The following ARHGAP21 variants were observed in gnomAD, a reference collection of about 807,000 sequenced individuals.
The protein encoded by ARHGAP21 is rho GTPase-activating protein 21.
A neutral mutation model predicts 164.6 loss-of-function variants in ARHGAP21; 38 were observed. The observed-to-expected ratio is 0.23, with a 90% CI of 0.18 to 0.30. The LOEUF is 0.30. ARHGAP21 is among the 10% of genes least tolerant of loss of function. The probability of loss-of-function intolerance (pLI) is 1.00; values close to 1 mark genes in which losing one functional copy is unlikely to be tolerated. For missense variants in ARHGAP21, 1,822 were observed against 2,370.7 expected, an observed-to-expected ratio of 0.77 and a Z score of 4.81; for synonymous variants, 766 against 857.9, an observed-to-expected ratio of 0.89 and a Z score of 1.87.
intron 25 of ARHGAP21, among the ~76,000 whole-genome samples, chr10:24,587,506 CA>C (rs2076155058): frequency 6.6e-6 from 1 of 152,202 alleles, no homozygotes; most frequent in South Asian, 2.1e-4. Flanking sequence ...GCTGTTCTAT[CA>C]AAAATTCGCT....
intron 2 of ARHGAP21, among the ~76,000 whole-genome samples, chr10:24,676,360 T>TC (rs1841245434): frequency 6.6e-6 from 1 of 152,382 alleles, no homozygotes; most frequent in African/African-American, 2.4e-5. Context: ...TACTGCATGC[T>TC]GCTGAGGACT....
At chr10:24,686,694 T>C (rs987667046) in intron 2 of ARHGAP21, among the ~76,000 whole-genome samples, 1 of 152,218 alleles carries the variant, frequency 6.6e-6, no homozygotes, top group Non-Finnish European at 1.5e-5. Context: ...GAACGATTCA[T>C]GGATTTTCCA....
intron 4 of ARHGAP21, among the ~76,000 whole-genome samples, chr10:24,656,522 G>T (rs1366704173): frequency 3.3e-5 from 3 of 91,314 alleles, no homozygotes; most frequent in East Asian, 3.5e-4. Context: ...GAGGTTGGGG[G>T]GTCAGCCCCC....
Position 24,600,082 on chromosome 10 carries a change from A to G in ARHGAP21, c.3132+564T>C, listed in dbSNP as rs1244233556. On this transcript the variant is annotated intron_variant, in intron 14 of 25. Coordinates refer to ENST00000396432, the MANE Select transcript of ARHGAP21 (RefSeq NM_020824.4). ...CGGGAGGCAGGGCTTGCAGTGAGCC[A>G]AGATCGCGCCACTGCACTCCAGCCT... Among the ~76,000 whole-genome samples the G allele has an allele frequency of 2.8e-5, 4 of 144,256 alleles. No individual in the cohort carries two copies. In the Admixed American group the frequency reaches 3.0e-4, roughly 11 times the overall value. The allele number at this position is 144,256 out of a possible 152,430, so 94.6% of individuals were successfully genotyped here.
intron 9 of ARHGAP21, among the ~76,000 whole-genome samples, chr10:24,618,399 A>G (rs1834199112): frequency 6.6e-6 from 1 of 152,204 alleles, no homozygotes; most frequent in South Asian, 2.1e-4. Flanking sequence ...AAAACAAAAC[A>G]TGTCAAGTGG....
Position 24,584,479 on chromosome 10 carries a change from G to A in ARHGAP21, c.5810C>T (p.Ala1937Val), listed in dbSNP as rs771670801. ...QNVSKNASSA[A>V]NAQPHKLSET... is the part of the protein sequence containing the mutation. ...AGACAGTTTATGAGGTTGGGCATTCGCTGCAGAACTAGCATTTTTGCTCAC... is the reference window on the plus strand; with the variant it reads ...AGACAGTTTATGAGGTTGGGCATTCACTGCAGAACTAGCATTTTTGCTCAC... The change falls in exon 26 of 26, where the codon GCG becomes GTG. Residue 1937 changes from alanine to valine, a missense_variant. By Grantham distance (64) the Ala-to-Val change is moderately conservative. Around this residue, in one of 5 missense-constraint regions of ARHGAP21, gnomAD observed 165 missense variants for 176.6 expected, o/e 0.93. Transcript: ENST00000396432. The A allele has an allele frequency of 4.6e-5, 74 of 1,613,750 alleles. No individual in the cohort carries two copies. The highest frequency in any genetic ancestry group is 3.9e-5 in the Non-Finnish European group (46 of 1,179,840).
chr10:24,704,760 C>T (rs574265870), intron 2 of ARHGAP21, among the ~76,000 whole-genome samples: 11 of 152,022 alleles, frequency 7.2e-5, no homozygotes, highest in African/African-American at 2.4e-4. Context: ...TGAGCCACCG[C>T]GTCTGGTGGT....
chr10:24,701,768 A>ATAG (rs957921090), intron 2 of ARHGAP21, among the ~76,000 whole-genome samples: 244 of 152,322 alleles, frequency 1.6e-3, no homozygotes, highest in African/African-American at 5.6e-3. Context: ...CTCTGGTAGA[A>ATAG]TACCATGTTC....
intron 9 of ARHGAP21, among the ~76,000 whole-genome samples, chr10:24,615,771 ATTATT>A (rs10550431): frequency 0.45 from 67,813 of 151,332 alleles, 15,840 homozygotes; most frequent in Middle Eastern, 0.53. Flanking sequence ...TTGTTATTTT[ATTATT>A]TTATTTTATT....
chr10:24,669,719 C>G (rs1172056549), intron 3 of ARHGAP21, among the ~76,000 whole-genome samples: 1 of 152,198 alleles, frequency 6.6e-6, no homozygotes, highest in East Asian at 1.9e-4. Context: ...CCTTTTCAGG[C>G]TGTGTTACTG....
At chr10:24,643,653 T>C (rs1470670369) in intron 4 of ARHGAP21, among the ~76,000 whole-genome samples, 1 of 152,190 alleles carries the variant, frequency 6.6e-6, no homozygotes, top group East Asian at 1.9e-4. Flanking sequence ...CCCTTAACCT[T>C]TCAAAGCATT....
chr10:24,670,300 T>C lies in ARHGAP21; in HGVS notation c.161A>G (p.Lys54Arg). ...AAAACCAAAGCCTTGAGATGTTCTT[T>C]TCAACGTAACTGTTTTGGGACCTGG... ...SWPGPKTVTL[K>R]RTSQGFGFTL... The change falls in exon 3 of 26, where the codon AAA (lysine) becomes AGA (arginine). Residue 54 changes from lysine to arginine, a missense_variant. By Grantham distance (26) the Lys-to-Arg change is conservative. Around this residue, in one of 5 missense-constraint regions of ARHGAP21, gnomAD observed 1,090 missense variants for 1,378.9 expected, o/e 0.79. Coordinates refer to ENST00000396432, the MANE Select transcript of ARHGAP21 (RefSeq NM_020824.4). 1 of 1,610,970 alleles carries C rather than the reference T, an allele frequency of 6.2e-7. No homozygotes were observed.
intron 2 of ARHGAP21, among the ~76,000 whole-genome samples, chr10:24,718,841 C>T (rs904380092): frequency 1.3e-5 from 2 of 151,730 alleles, no homozygotes; most frequent in Non-Finnish European, 2.9e-5. Flanking sequence ...GACAAAAATT[C>T]TATTACTGGA....
chr10:24,665,824 A>C (rs1214957586), intron 4 of ARHGAP21, among the ~76,000 whole-genome samples: 1 of 152,228 alleles, frequency 6.6e-6, no homozygotes, highest in Non-Finnish European at 1.5e-5. Context: ...CATTCTAAAA[A>C]ATAACTGATC....
intron 4 of ARHGAP21, among the ~76,000 whole-genome samples, chr10:24,647,028 CTATT>C (rs1177619682): frequency 2.0e-5 from 3 of 152,216 alleles, no homozygotes; most frequent in Non-Finnish European, 4.4e-5. Flanking sequence ...ATCGTCCTAT[CTATT>C]CAGTGTCTCC....
At chr10:24,708,835 C>A (rs1160229135) in intron 2 of ARHGAP21, among the ~76,000 whole-genome samples, 1 of 152,140 alleles carries the variant, frequency 6.6e-6, no homozygotes, top group Non-Finnish European at 1.5e-5. Context: ...TTGTCTATTC[C>A]TCCACTGATG....
Position 24,620,541 on chromosome 10 carries a change from G to C in ARHGAP21, c.1354C>G (p.Gln452Glu), listed in dbSNP as rs757527488. ...TSHDRVPQSV[Q>E]IRQRSVSQER... ...TGGGACACACTGCGTTGCCGTATCT[G>C]GACAGACTGGGGCACTCGATCATGA... The change falls in exon 9 of 26, where the codon CAG becomes GAG. Residue 452 changes from glutamine (Q) to glutamate (E), a missense_variant. Around this residue, in one of 5 missense-constraint regions of ARHGAP21, gnomAD observed 1,090 missense variants for 1,378.9 expected, o/e 0.79. Coordinates refer to ENST00000396432, the MANE Select transcript of ARHGAP21 (RefSeq NM_020824.4). 6.2e-7 allele frequency: 1 copy of C among 1,613,560 alleles called. No individual in the cohort carries two copies. Among genetic ancestry groups the C allele is most frequent in the East Asian group, 2.2e-5 (1 of 44,864 alleles).
intron 4 of ARHGAP21, among the ~76,000 whole-genome samples, chr10:24,643,610 A>C (rs1837291186): frequency 6.6e-6 from 1 of 152,216 alleles, no homozygotes; most frequent in Non-Finnish European, 1.5e-5. Context: ...TCAGTATTTC[A>C]ACAAAATTGA....
chr10:24,657,536 C>T (rs1361338240), intron 4 of ARHGAP21, among the ~76,000 whole-genome samples: 3 of 127,566 alleles, frequency 2.4e-5, no homozygotes, highest in Non-Finnish European at 5.0e-5. Context: ...GGCCACCACC[C>T]CGTCTGGGAG....
Sources: gnomAD v4.1 joint callset for allele counts (sites outside exome capture counted in the v4.1 genomes callset) on GRCh38, gnomAD v4.1.1 for gene constraint, gnomAD v4.1.1 regional missense constraint, MANE v1.5 for transcripts, NCBI Gene and HGNC (gene_info 2026-07-23, HGNC 2026-07-21) for gene names.